Variants in NRDC observed in about 807,000 individuals in gnomAD.
The protein encoded by NRDC is nardilysin convertase.
In NRDC, 54 loss-of-function variants were observed where a neutral mutation model predicts 147.1. The ratio of observed to expected loss-of-function variants is 0.37; its 90% CI spans 0.29 to 0.46. The LOEUF (loss-of-function observed/expected upper bound fraction) is 0.46. NRDC is among the 20% of genes least tolerant of loss of function. The pLI is 1.00. For synonymous variants in NRDC, 440 were observed against 482.1 expected (o/e 0.91, Z 1.14); for missense variants, 1,082 against 1,370.6 (o/e 0.79, Z 3.33).
intron 1 of NRDC, among the ~76,000 whole-genome samples, chr1:51,847,179 T>A (rs1369927971): frequency 1.3e-4 from 20 of 152,230 alleles, no homozygotes. Flanking sequence ...AACCCTGAGC[T>A]AGACACAGGG....
intron 9 of NRDC, among the ~76,000 whole-genome samples, 188 bp downstream of exon 9, chr1:51,819,612 C>T (rs184335512): frequency 1.7e-3 from 260 of 152,310 alleles, no homozygotes; most frequent in Middle Eastern, 3.4e-3. Flanking sequence ...CAGAATCAAT[C>T]GATCTGCAGC....
intron 1 of NRDC, among the ~76,000 whole-genome samples, chr1:51,872,030 C>T (rs567719545): frequency 3.9e-5 from 6 of 152,314 alleles, no homozygotes; most frequent in African/African-American, 1.2e-4. Context: ...CGCCACCACA[C>T]CCAGCTAATT....
intron 7 of NRDC, among the ~76,000 whole-genome samples, chr1:51,822,791 A>G (rs1279540318): frequency 1.3e-5 from 2 of 152,228 alleles, no homozygotes; most frequent in South Asian, 2.1e-4. Context: ...AGAATCTACC[A>G]TACCACGAAA....
At position 51,812,090 on chromosome 1, in the gene NRDC, T is replaced by G; in HGVS notation, c.1683A>C (p.Pro561=). The change falls in exon 15 of 31, where the codon CCA becomes CCC. Residue 561 remains proline, a synonymous_variant. Coordinates refer to ENST00000352171, the MANE Select transcript of NRDC (RefSeq NM_001101662.2). ...NEFHYQEQTD[P]VEYVENMCEN... ...CACACATGTTTTCCACATACTCAAC[T>G]GGATCTGTCTGTAAAGAGGTAAATT... 1 of 1,611,700 alleles carries G rather than the reference T, an allele frequency of 6.2e-7. No homozygotes were observed. Among genetic ancestry groups the G allele is most frequent in the Non-Finnish European group, 8.5e-7 (1 of 1,177,812 alleles).
intron 24 of NRDC, among the ~76,000 whole-genome samples, chr1:51,792,926 G>A (rs112538393): frequency 7.7e-4 from 117 of 152,322 alleles, no homozygotes; most frequent in African/African-American, 2.7e-3. Context: ...CATGCTAGCT[G>A]CCCAAGACTG....
Position 51,789,624 on chromosome 1 carries a change from G to C in NRDC, c.3202C>G (p.Leu1068Val). Reference sequence around the variant, plus strand: ...CTATGGGCCTTGAACCAGTTGACCAGGTCTGATTTTGAGAATGACTTCAGT... The same window carrying C: ...CTATGGGCCTTGAACCAGTTGACCACGTCTGATTTTGAGAATGACTTCAGT... ...EALKSFSKSD[L>V]VNWFKAHRGP... The change falls in exon 30 of 31, where the codon CTG becomes GTG. Residue 1068 changes from leucine to valine, a missense_variant. Physicochemically the swap from Leu to Val is conservative, Grantham distance 32. This residue lies in a region of NRDC where 187 missense variants were observed against 193.6 expected (regional missense o/e 0.97). Coordinates refer to ENST00000352171, the MANE Select transcript of NRDC (RefSeq NM_001101662.2). 1 of 1,613,848 alleles carries C rather than the reference G, an allele frequency of 6.2e-7. No homozygotes were observed. The highest frequency in any genetic ancestry group is 8.5e-7 in the Non-Finnish European group (1 of 1,179,770).
intron 1 of NRDC, among the ~76,000 whole-genome samples, chr1:51,846,991 C>T (rs1183779300): frequency 6.6e-6 from 1 of 152,096 alleles, no homozygotes; most frequent in East Asian, 1.9e-4. Context: ...ACACAGAGTG[C>T]TGATTGGTGC....
chr1:51,817,300 G>C (rs1680012012), intron 10 of NRDC, among the ~76,000 whole-genome samples: 1 of 113,546 alleles, frequency 8.8e-6, no homozygotes, highest in African/African-American at 3.3e-5. Context: ...GACTGCTTGA[G>C]CCCCACCCCC....
chr1:51,803,643 G>A (rs1188393432), intron 20 of NRDC, among the ~76,000 whole-genome samples, 171 bp downstream of exon 20: 1 of 152,188 alleles, frequency 6.6e-6, no homozygotes, highest in African/African-American at 2.4e-5. Flanking sequence ...AACATATGTT[G>A]TTCTTATGGA....
chr1:51,791,807 C>G lies in NRDC; in HGVS notation c.2877-146G>C, dbSNP rs1678671018. ...ACAGGACCCAAAAATGTTAAGGTGT[C>G]CATACCTCTCCTGAATTGGGGACCA... On this transcript the variant is annotated intron_variant, in intron 26 of 30. Transcript: ENST00000352171. 7.0e-6 allele frequency: 5 copies of G among 716,386 alleles called. No homozygotes were observed. In the South Asian group the frequency reaches 9.1e-5, roughly 13 times the overall value. The allele number at this position is 716,386 out of a possible 1,614,324, so 44.4% of individuals were successfully genotyped here.
chr1:51,837,488 T>G (rs774526137), intron 2 of NRDC: 1 of 1,581,872 alleles, frequency 6.3e-7, no homozygotes, highest in South Asian at 1.2e-5. Context: ...GTGCCTAACC[T>G]GCTTTCAGCT....
chr1:51,864,603 T>A (rs1292860420), intron 1 of NRDC, among the ~76,000 whole-genome samples: 2 of 152,196 alleles, frequency 1.3e-5, no homozygotes, highest in African/African-American at 2.4e-5. Context: ...ATTTATACTT[T>A]TTTAAAAGTA....
chr1:51,847,036 T>C (rs528389959), intron 1 of NRDC, among the ~76,000 whole-genome samples: 17 of 149,462 alleles, frequency 1.1e-4, no homozygotes, highest in Admixed American at 7.6e-4. Context: ...AGAGTGCCGA[T>C]TGGTGCATTC....
At chr1:51,843,737 A>G (rs1681390918) in intron 1 of NRDC, among the ~76,000 whole-genome samples, 1 of 152,194 alleles carries the variant, frequency 6.6e-6, no homozygotes, top group Non-Finnish European at 1.5e-5. Context: ...AAAATCCAAG[A>G]GCTATTTTCC....
chr1:51,795,033 T>G, intron 22 of NRDC, 179 bp from the exon 23 acceptor site: 1 of 1,471,410 alleles, frequency 6.8e-7, no homozygotes, highest in Non-Finnish European at 9.0e-7. Context: ...TGATTGTGTT[T>G]GTGGAACACT....
intron 1 of NRDC, among the ~76,000 whole-genome samples, chr1:51,863,013 G>GAAA (rs562410956): frequency 0.069 from 2,190 of 31,894 alleles, 258 homozygotes; most frequent in Middle Eastern, 0.14. Flanking sequence ...CTGTGTGGAG[G>GAAA]AAAAAAAAAA....
chr1:51,861,803 T>C (rs1472486716), intron 1 of NRDC, among the ~76,000 whole-genome samples: 3 of 152,200 alleles, frequency 2.0e-5, no homozygotes, highest in East Asian at 1.9e-4. Flanking sequence ...AAACCAAACA[T>C]TGGTCATAAA....
chr1:51,813,973 A>G (rs1161707298), intron 14 of NRDC, 62 bp downstream of exon 14: 2 of 1,062,166 alleles, frequency 1.9e-6, no homozygotes, highest in Non-Finnish European at 2.9e-6. Context: ...AAGAGGAACA[A>G]TGTCTACACC....
Position 51,809,306 on chromosome 1 carries a change from T to G in NRDC, c.1990+9A>C. ...ATGGATTATGTATAAAAATTGCTATTTTACTGACCTATGTACTTGTTTTCA... is the reference window on the plus strand; with the variant it reads ...ATGGATTATGTATAAAAATTGCTATGTTACTGACCTATGTACTTGTTTTCA... On this transcript the variant is annotated intron_variant, in intron 17 of 30. Transcript: ENST00000352171. The G allele has an allele frequency of 1.2e-6, 2 of 1,600,316 alleles. No homozygotes were observed. The highest frequency in any genetic ancestry group is 1.7e-6 in the Non-Finnish European group (2 of 1,167,524).
Sources: allele counts gnomAD v4.1 joint callset (sites outside exome capture counted in the v4.1 genomes callset), GRCh38; gene constraint gnomAD v4.1.1; regional missense constraint gnomAD v4.1.1; transcripts MANE v1.5; gene names NCBI Gene and HGNC (gene_info 2026-07-23, HGNC 2026-07-21).